Variants in CSMD3 observed in about 807,000 individuals in gnomAD.
The protein encoded by CSMD3 is CUB and Sushi multiple domains 3, also known as CUB and sushi domain-containing protein 3.
CSMD3 carries 177 observed loss-of-function variants against 435.2 expected under a neutral mutation model. That is an observed-to-expected ratio of 0.41 (90% CI 0.36 to 0.46). CSMD3 has a LOEUF of 0.46. CSMD3 is among the 20% of genes least tolerant of loss of function. The pLI is 0.34. For synonymous variants in CSMD3, 1,656 were observed against 1,520.5 expected (o/e 1.09, Z -2.07); for missense variants, 4,265 against 4,504.6 (o/e 0.95, Z 1.52).
intron 35 of CSMD3, among the ~76,000 whole-genome samples, chr8:112,405,246 T>TATATATATATATACACACACAC (rs1199452249): frequency 1.2e-5 from 1 of 81,536 alleles, no homozygotes; most frequent in African/African-American, 5.3e-5. Flanking sequence ...TATATATATA[T>TATATATATATATACACACACAC]ACATATATAT....
At chr8:113,296,425 A>G (rs1044122130) in intron 2 of CSMD3, among the ~76,000 whole-genome samples, 3 of 151,932 alleles carry the variant, frequency 2.0e-5, no homozygotes, top group African/African-American at 7.2e-5. Context: ...AAGCTAACAC[A>G]CCAGGAGAGA....
intron 13 of CSMD3, among the ~76,000 whole-genome samples, chr8:112,750,007 C>T (rs765873753): frequency 2.0e-5 from 3 of 151,762 alleles, no homozygotes; most frequent in Admixed American, 6.6e-5. Flanking sequence ...AAGCAATCTG[C>T]GAGTATGTTG....
chr8:113,248,100 C>T (rs1173124077), intron 3 of CSMD3, among the ~76,000 whole-genome samples: 1 of 151,994 alleles, frequency 6.6e-6, no homozygotes, highest in Non-Finnish European at 1.5e-5. Context: ...ATTTATTCCA[C>T]TGACATCAAC....
intron 44 of CSMD3, among the ~76,000 whole-genome samples, chr8:112,335,964 G>A (rs974974813): frequency 3.9e-5 from 6 of 152,074 alleles, no homozygotes; most frequent in African/African-American, 1.4e-4. Context: ...CCATGCTGGA[G>A]TGCAGTAGGA....
At chr8:112,941,675 G>T (rs944706543) in intron 9 of CSMD3, among the ~76,000 whole-genome samples, 2 of 151,604 alleles carry the variant, frequency 1.3e-5, no homozygotes, top group Non-Finnish European at 3.0e-5. Flanking sequence ...GCTAGAGAAA[G>T]ATTTTAGTAA....
intron 32 of CSMD3, among the ~76,000 whole-genome samples, chr8:112,413,964 G>A (rs1192466549): frequency 6.6e-6 from 1 of 152,118 alleles, no homozygotes; most frequent in Non-Finnish European, 1.5e-5. Context: ...TCCCCCAGGT[G>A]ATATCTGTTC....
chr8:113,028,033 G>T (rs1188683879), intron 5 of CSMD3, among the ~76,000 whole-genome samples: 4 of 152,030 alleles, frequency 2.6e-5, no homozygotes, highest in Non-Finnish European at 5.9e-5. Context: ...TGTGGGGTTT[G>T]TTGTTGCTGT....
intron 5 of CSMD3, among the ~76,000 whole-genome samples, chr8:113,058,488 T>A (rs1306543328): frequency 6.6e-6 from 1 of 151,920 alleles, no homozygotes; most frequent in African/African-American, 2.4e-5. Flanking sequence ...CAGAAAAATG[T>A]TGGAAATACA....
intron 50 of CSMD3, among the ~76,000 whole-genome samples, chr8:112,307,387 C>T (rs1308097584): frequency 1.3e-5 from 2 of 152,002 alleles, no homozygotes; most frequent in Non-Finnish European, 2.9e-5. Flanking sequence ...CTCAAGCAGT[C>T]CTCCTACCTT....
At chr8:113,245,396 T>C (rs1588357606) in intron 3 of CSMD3, among the ~76,000 whole-genome samples, 1 of 151,792 alleles carries the variant, frequency 6.6e-6, no homozygotes, top group African/African-American at 2.4e-5. Flanking sequence ...CATTTTAATT[T>C]CTTTTTTATT....
Position 113,166,284 on chromosome 8 carries a change from C to T in CSMD3, c.709+7438G>A, listed in dbSNP as rs578193774. On this transcript the variant is annotated intron_variant, in intron 4 of 70. Coordinates refer to ENST00000297405, the MANE Select transcript of CSMD3 (RefSeq NM_198123.2). ...CTTTGGGAGGTCGAGGCAAATGGAT[C>T]ACTTGAGGTCAGGAGTTCAAGGCCA... 2.6e-5 allele frequency among the ~76,000 whole-genome samples: 4 copies of T among 152,150 alleles called. No homozygotes were observed. The South Asian group carries it at 8.3e-4, about 32-fold the overall frequency.
chr8:113,151,172 CTG>C (rs1339020740), intron 4 of CSMD3, among the ~76,000 whole-genome samples: 1 of 151,930 alleles, frequency 6.6e-6, no homozygotes, highest in Non-Finnish European at 1.5e-5. Context: ...TCACATTGCT[CTG>C]TGATTCACTA....
intron 11 of CSMD3, among the ~76,000 whole-genome samples, chr8:112,855,317 T>A (rs1490844188): frequency 6.6e-6 from 1 of 152,130 alleles, no homozygotes; most frequent in Non-Finnish European, 1.5e-5. Flanking sequence ...AAACTCTTAG[T>A]GTGAATAGCT....
rs369437945 is a variant in CSMD3, at chr8:112,650,341, C to A, written c.3013G>T (p.Val1005Leu). 19 of 1,612,954 alleles carry A rather than the reference C, an allele frequency of 1.2e-5. No individual in the cohort carries two copies. Among genetic ancestry groups the A allele is most frequent in the Non-Finnish European group, 1.6e-5 (19 of 1,179,030 alleles). Residue 1005 changes from valine to leucine, a missense_variant, in exon 19 of 71, where the codon GTG (valine) becomes TTG (leucine). By Grantham distance (32) the Val-to-Leu change is conservative (BLOSUM62 1). This residue lies in a region of CSMD3 where 3,255 missense variants were observed against 3,380.2 expected (regional missense o/e 0.96). Coordinates refer to ENST00000297405, the MANE Select transcript of CSMD3 (RefSeq NM_198123.2). ...GGGTCCAAACAAGAATACGTGTTCA[C>A]TGTAACACCTGGAAAACAAAGGGAA... ...GFKIHYESVT[V>L]NTYSCLDPGI...
chr8:113,313,369 T>A (rs111236106), intron 2 of CSMD3: 17,171 of 151,932 alleles, frequency 0.11, 1,581 homozygotes, highest in African/African-American at 0.25. Context: ...TCACCCAGGC[T>A]GGAGTGCAGT....
At position 112,333,889 on chromosome 8, in the gene CSMD3, A is replaced by G. The variant is rs1422343520; in HGVS notation, c.7165+1440T>C. 5.9e-5 allele frequency among the ~76,000 whole-genome samples: 9 copies of G among 152,338 alleles called. No homozygotes were observed. The East Asian group carries it at 1.7e-3, about 29-fold the overall frequency. ...AGAAATCCATGTGGAGATAAAATGT[A>G]CATAATATAGTTTGGCAACTAATTC... On this transcript the variant is annotated intron_variant, in intron 45 of 70. Transcript: ENST00000297405.
intron 4 of CSMD3, among the ~76,000 whole-genome samples, chr8:113,103,689 A>C (rs1157630864): frequency 6.6e-6 from 1 of 152,012 alleles, no homozygotes; most frequent in Non-Finnish European, 1.5e-5. Flanking sequence ...TATAATATAA[A>C]TCTATCATCA....
chr8:113,422,861 A>G (rs1370405697), intron 1 of CSMD3, among the ~76,000 whole-genome samples: 1 of 152,100 alleles, frequency 6.6e-6, no homozygotes, highest in East Asian at 1.9e-4. Flanking sequence ...CAGCTACAAC[A>G]TGATACTTTA....
At chr8:113,317,949 G>A (rs1029990724) in intron 1 of CSMD3, among the ~76,000 whole-genome samples, 8 of 152,004 alleles carry the variant, frequency 5.3e-5, no homozygotes, top group African/African-American at 9.7e-5. Flanking sequence ...CATATAGTAC[G>A]CCTATAGTAT....
Sources: allele counts gnomAD v4.1 joint callset (sites outside exome capture counted in the v4.1 genomes callset), GRCh38; gene constraint gnomAD v4.1.1; regional missense constraint gnomAD v4.1.1; transcripts MANE v1.5; gene names NCBI Gene and HGNC (gene_info 2026-07-23, HGNC 2026-07-21).